NIPAL2: variants seen among roughly 807,000 people sequenced by gnomAD.
NIPAL2 encodes NIPA-like protein 2.
A neutral mutation model predicts 48.9 loss-of-function variants in NIPAL2; 43 were observed. The ratio of observed to expected loss-of-function variants is 0.88; its 90% CI spans 0.69 to 1.13. The LOEUF is 1.13. Ranked by LOEUF, NIPAL2 falls within the 50% of genes most tolerant of loss-of-function variation. The pLI is 0.00. For missense variants in NIPAL2, 446 were observed against 461.4 expected (o/e 0.97, Z 0.31); for synonymous variants, 167 against 174.6 (o/e 0.96, Z 0.34).
chr8:98,224,234 G>T (rs1812038652), intron 4 of NIPAL2, among the ~76,000 whole-genome samples: 1 of 152,172 alleles, frequency 6.6e-6, no homozygotes, highest in South Asian at 2.1e-4. Context: ...CATGTACCCT[G>T]GTGGTTCACT....
intron 6 of NIPAL2, among the ~76,000 whole-genome samples, chr8:98,209,306 C>G (rs1811190463): frequency 6.6e-6 from 1 of 151,942 alleles, no homozygotes; most frequent in Non-Finnish European, 1.5e-5. Context: ...AGAGAAGAAC[C>G]AGTTTTATTA....
At chr8:98,211,381 A>C (rs1811306702) in intron 6 of NIPAL2, among the ~76,000 whole-genome samples, 1 of 152,202 alleles carries the variant, frequency 6.6e-6, no homozygotes, top group Non-Finnish European at 1.5e-5. Context: ...AACAAATATA[A>C]AGTTCTCTTT....
intron 1 of NIPAL2, among the ~76,000 whole-genome samples, chr8:98,263,956 G>C (rs974690082): frequency 1.5e-5 from 2 of 136,446 alleles, no homozygotes; most frequent in Non-Finnish European, 3.1e-5. Flanking sequence ...TTCATCCCTG[G>C]GATGCAAGGC....
At chr8:98,233,323 G>C (rs142339326) in intron 4 of NIPAL2, among the ~76,000 whole-genome samples, 2 of 140,630 alleles carry the variant, frequency 1.4e-5, no homozygotes, top group African/African-American at 5.3e-5. Context: ...GTTTTATTTT[G>C]TTAGTTTGTT....
rs559845150 is a variant in NIPAL2, at chr8:98,212,443, T to C, written c.617A>G (p.Lys206Arg). The C allele has an allele frequency of 2.7e-5, 43 of 1,588,564 alleles. No homozygotes were observed. Among genetic ancestry groups the C allele is most frequent in the Non-Finnish European group, 3.5e-5 (41 of 1,157,390 alleles). The change falls in exon 6 of 11, where the codon AAG becomes AGG. Residue 206 changes from lysine (K) to arginine (R), a missense_variant. Transcript: ENST00000430223. ...CAGGGTTAGCAGAATCACCATATGC[T>C]TCATTCCTTTTCTTTTATAGAAATA... ...LLYFYKRKGMKHMVILLTLVA... is the reference protein window; with the variant it reads ...LLYFYKRKGMRHMVILLTLVA...
chr8:98,254,473 G>A (rs981147647), intron 1 of NIPAL2, among the ~76,000 whole-genome samples: 1 of 152,102 alleles, frequency 6.6e-6, no homozygotes, highest in South Asian at 2.1e-4. Flanking sequence ...GGACTACAAG[G>A]TAAAGGATAA....
chr8:98,244,600 G>GTGATGAGAGGGTGGGCTGTGA (rs1390874397), intron 3 of NIPAL2, among the ~76,000 whole-genome samples: 3 of 133,824 alleles, frequency 2.2e-5, no homozygotes, highest in Non-Finnish European at 3.2e-5. Flanking sequence ...GTGGGCTGTG[G>GTGATGAGAGGGTGGGCTGTGA]TGATGAGAGG....
At chr8:98,230,424 T>C (rs1455054987) in intron 4 of NIPAL2, among the ~76,000 whole-genome samples, 2 of 152,196 alleles carry the variant, frequency 1.3e-5, no homozygotes, top group African/African-American at 4.8e-5. Flanking sequence ...AAGGCAAATG[T>C]ATTTGAGCAG....
chr8:98,194,399 C>T (rs1398795331), intron 10 of NIPAL2, among the ~76,000 whole-genome samples: 1 of 152,036 alleles, frequency 6.6e-6, no homozygotes, highest in East Asian at 1.9e-4. Context: ...TCAAGGCTCT[C>T]AAAGTGGCAG....
At chr8:98,284,150 A>G (rs1192484724) in intron 1 of NIPAL2, among the ~76,000 whole-genome samples, 1 of 152,106 alleles carries the variant, frequency 6.6e-6, no homozygotes, top group Non-Finnish European at 1.5e-5. Flanking sequence ...TGCTCATATG[A>G]CACCCACACG....
chr8:98,286,833 AAC>A lies in NIPAL2; in HGVS notation c.135+7168_135+7169del, dbSNP rs1362337729. ...CTGTCAAAAAAAAAAAAAAAAAAAA[AAC>A]CAAAAACAAACAAACACGTTGAGAC... On this transcript the variant is annotated intron_variant, in intron 1 of 10. Coordinates refer to ENST00000430223, the MANE Select transcript of NIPAL2 (RefSeq NM_001321635.2). Among the ~76,000 whole-genome samples the A allele has an allele frequency of 8.2e-4, 111 of 134,568 alleles. 4 individuals carry two copies. Among genetic ancestry groups the A allele is most frequent in the African/African-American group, 3.4e-3 (89 of 26,056 alleles). 88.3% of individuals were successfully genotyped at this position (134,568 alleles called of 152,430 possible).
chr8:98,275,773 T>C (rs1815421216), intron 1 of NIPAL2, among the ~76,000 whole-genome samples: 1 of 152,230 alleles, frequency 6.6e-6, no homozygotes, highest in Admixed American at 6.5e-5. Context: ...ACATAAATTG[T>C]AAAGTTAATC....
Position 98,194,117 on chromosome 8 carries a change from TGCTGAGGGC to T in NIPAL2, c.1039+602_1039+610del, listed in dbSNP as rs201804017. Among the ~76,000 whole-genome samples the T allele has an allele frequency of 4.0e-3, 615 of 152,270 alleles. 3 individuals carry two copies. The highest frequency in any genetic ancestry group is 0.013 in the African/African-American group (542 of 41,552). On this transcript the variant is annotated intron_variant, in intron 10 of 10. Transcript: ENST00000430223. Reference sequence around the variant, plus strand: ...CTACATCCCCAGTAAGGCTGGAGAGTGCTGAGGGCGGGTGGACAGGGGAAGAGGTGACAC... The same window carrying T: ...CTACATCCCCAGTAAGGCTGGAGAGTGGGTGGACAGGGGAAGAGGTGACAC...
At chr8:98,201,135 A>G (rs1810780236) in intron 8 of NIPAL2, among the ~76,000 whole-genome samples, 2 of 152,240 alleles carry the variant, frequency 1.3e-5, no homozygotes, top group African/African-American at 4.8e-5. Context: ...AATAAAAAGA[A>G]CAAACAAAAC....
At chr8:98,241,863 T>C (rs1380864199) in intron 3 of NIPAL2, among the ~76,000 whole-genome samples, 1 of 152,222 alleles carries the variant, frequency 6.6e-6, no homozygotes, top group Admixed American at 6.5e-5. Context: ...AATGAGATAG[T>C]TGGCATTGTT....
rs1810309634 is a variant in NIPAL2 at position 98,191,664 on chromosome 8, T to C, written c.*1314A>G. On this transcript the variant is annotated 3_prime_UTR_variant, in exon 11 of 11. Transcript: ENST00000430223. ...GTGATCTGAAGGCTTTGAAATGTCA[T>C]TAAGGGTGGGACTTATTGTTGGATG... 1 of 152,246 alleles carries C rather than the reference T, an allele frequency of 6.6e-6. No homozygotes were observed. The highest frequency in any genetic ancestry group is 1.5e-5 in the Non-Finnish European group (1 of 68,056). The allele number at this position is 152,246 out of a possible 1,614,324, so 9.4% of individuals were successfully genotyped here.
chr8:98,240,195 T>C (rs1812914749), intron 3 of NIPAL2, among the ~76,000 whole-genome samples: 1 of 152,248 alleles, frequency 6.6e-6, no homozygotes, highest in African/African-American at 2.4e-5. Context: ...CAATTGTGTG[T>C]GCATTTTTGG....
At chr8:98,229,524 C>A (rs143866091) in intron 4 of NIPAL2, among the ~76,000 whole-genome samples, 3 of 152,244 alleles carry the variant, frequency 2.0e-5, no homozygotes, top group Non-Finnish European at 4.4e-5. Context: ...AGGCATGTGC[C>A]ACCATGACTG....
At chr8:98,231,489 A>G (rs1812436556) in intron 4 of NIPAL2, among the ~76,000 whole-genome samples, 1 of 152,116 alleles carries the variant, frequency 6.6e-6, no homozygotes, top group Admixed American at 6.5e-5. Flanking sequence ...TGATGACTCT[A>G]TCTGGTCTTA....
Sources: gnomAD v4.1 joint callset for allele counts (sites outside exome capture counted in the v4.1 genomes callset) on GRCh38, gnomAD v4.1.1 for gene constraint, MANE v1.5 for transcripts, NCBI Gene and HGNC (gene_info 2026-07-23, HGNC 2026-07-21) for gene names.